Variants in CLASP1 observed in about 807,000 individuals in gnomAD.
CLASP1 encodes CLIP-associating protein 1.
CLASP1 carries 38 observed loss-of-function variants against 192.3 expected under a neutral mutation model. The observed-to-expected ratio is 0.20, with a 90% CI of 0.15 to 0.26. The LOEUF is 0.26. CLASP1 is among the 10% of genes least tolerant of loss of function. The pLI is 1.00. For synonymous variants in CLASP1, 691 were observed against 712.8 expected (o/e 0.97, Z 0.49); for missense variants, 1,433 against 1,932.5 (o/e 0.74, Z 4.85).
At chr2:121,409,878 C>A (rs2077450563) in intron 24 of CLASP1, among the ~76,000 whole-genome samples, 1 of 152,164 alleles carries the variant, frequency 6.6e-6, no homozygotes, top group Non-Finnish European at 1.5e-5. Flanking sequence ...GGTGGCCAGG[C>A]AGCTTGCCTA....
intron 2 of CLASP1, among the ~76,000 whole-genome samples, chr2:121,574,064 T>C (rs1436694132): frequency 6.6e-6 from 1 of 152,194 alleles, no homozygotes; most frequent in Non-Finnish European, 1.5e-5. Context: ...CTATTAATAA[T>C]GTACTGTATT....
chr2:121,573,536 T>C (rs1359014889), intron 2 of CLASP1, among the ~76,000 whole-genome samples: 2 of 152,238 alleles, frequency 1.3e-5, no homozygotes, highest in Non-Finnish European at 2.9e-5. Context: ...AATTCTCTCA[T>C]ATTAATTGAT....
At chr2:121,585,071 C>G (rs1332809343) in intron 2 of CLASP1, among the ~76,000 whole-genome samples, 1 of 152,172 alleles carries the variant, frequency 6.6e-6, no homozygotes, top group Non-Finnish European at 1.5e-5. Flanking sequence ...AACACTGTCC[C>G]CATTTTGCAG....
At chr2:121,539,196 C>T (rs1357666294) in intron 2 of CLASP1, among the ~76,000 whole-genome samples, 3 of 152,104 alleles carry the variant, frequency 2.0e-5, no homozygotes, top group South Asian at 2.1e-4. Context: ...TGTGATAATA[C>T]GAATGGCAAG....
At chr2:121,394,861 C>CA (rs2075014043) in intron 30 of CLASP1, among the ~76,000 whole-genome samples, 1 of 152,210 alleles carries the variant, frequency 6.6e-6, no homozygotes, top group South Asian at 2.1e-4. Flanking sequence ...GCCTGGGTGA[C>CA]AGAGCGAGAC....
intron 2 of CLASP1, among the ~76,000 whole-genome samples, chr2:121,590,780 A>T (rs571670277): frequency 2.6e-4 from 39 of 152,328 alleles, no homozygotes; most frequent in Non-Finnish European, 5.1e-4. Context: ...CAAAGAACAT[A>T]AGCTTAGGAT....
At chr2:121,398,283 A>T in intron 29 of CLASP1, 39 bp downstream of exon 30, 1 of 1,430,014 alleles carries the variant, frequency 7.0e-7, no homozygotes, top group Non-Finnish European at 9.7e-7. Context: ...AACAAATGTG[A>T]GTTCCAGGGT....
At chr2:121,506,775 T>G (rs1024686319) in intron 7 of CLASP1, among the ~76,000 whole-genome samples, 1 of 152,150 alleles carries the variant, frequency 6.6e-6, no homozygotes, top group Non-Finnish European at 1.5e-5. Flanking sequence ...GCTGGGAGAC[T>G]TACTGGTTCA....
At chr2:121,626,539 G>A (rs2068400996) in intron 1 of CLASP1, among the ~76,000 whole-genome samples, 1 of 151,992 alleles carries the variant, frequency 6.6e-6, no homozygotes, top group South Asian at 2.1e-4. Context: ...GTGACTTCTG[G>A]GGTCACATAG....
At chr2:121,373,533 G>A (rs2069234473) in intron 34 of CLASP1, among the ~76,000 whole-genome samples, 1 of 152,216 alleles carries the variant, frequency 6.6e-6, no homozygotes, top group African/African-American at 2.4e-5. Context: ...GGGATCAGAA[G>A]ACAGGAAAAT....
chr2:121,644,348 TAA>T (rs747184836), intron 1 of CLASP1, among the ~76,000 whole-genome samples: 12 of 134,296 alleles, frequency 8.9e-5, no homozygotes, highest in Admixed American at 7.5e-5. Flanking sequence ...TAAAGGACAT[TAA>T]AAAAAAAAAA....
intron 1 of CLASP1, among the ~76,000 whole-genome samples, chr2:121,609,098 G>A (rs1018305543): frequency 1.3e-5 from 2 of 152,136 alleles, no homozygotes; most frequent in African/African-American, 4.8e-5. Context: ...ATTATTAGAA[G>A]TCTTAGCCTA....
chr2:121,524,922 C>T (rs984663005), intron 6 of CLASP1, among the ~76,000 whole-genome samples: 8 of 151,844 alleles, frequency 5.3e-5, no homozygotes, highest in South Asian at 2.1e-4. Flanking sequence ...ACTAAGAGCA[C>T]GATAAGGAAA....
At chr2:121,582,561 C>A (rs2061317949) in intron 2 of CLASP1, among the ~76,000 whole-genome samples, 1 of 142,526 alleles carries the variant, frequency 7.0e-6, no homozygotes, top group African/African-American at 2.6e-5. Flanking sequence ...GAGGGAAAGA[C>A]AGAAAGGAAC....
At chr2:121,410,071 A>G (rs1434229399) in intron 24 of CLASP1, among the ~76,000 whole-genome samples, 1 of 152,232 alleles carries the variant, frequency 6.6e-6, no homozygotes, top group Non-Finnish European at 1.5e-5. Flanking sequence ...TGAAAGCAGG[A>G]TATTACATAC....
intron 34 of CLASP1, among the ~76,000 whole-genome samples, chr2:121,369,096 ATT>A (rs1041065281): frequency 5.9e-5 from 9 of 152,300 alleles, no homozygotes; most frequent in African/African-American, 2.2e-4. Context: ...TATATACCAC[ATT>A]TTGTTTATCT....
At chr2:121,397,343 T>A in intron 29 of CLASP1, 60 bp from the exon 31 acceptor site, 1 of 1,482,296 alleles carries the variant, frequency 6.7e-7, no homozygotes, top group Non-Finnish European at 9.3e-7. Flanking sequence ...AACACAATTC[T>A]TATCAGGTGG....
At chr2:121,472,653 A>C (rs2090957767) in intron 8 of CLASP1, among the ~76,000 whole-genome samples, 1 of 152,274 alleles carries the variant, frequency 6.6e-6, no homozygotes, top group Non-Finnish European at 1.5e-5. Flanking sequence ...ACACAGAAAG[A>C]GGGCTACAGG....
At chr2:121,376,119 G>A (rs760654959) in intron 34 of CLASP1, among the ~76,000 whole-genome samples, 7 of 152,094 alleles carry the variant, frequency 4.6e-5, no homozygotes, top group Admixed American at 1.3e-4. Flanking sequence ...AAACAGTATC[G>A]TGGTTTCTCA....
Sources: gnomAD v4.1 joint callset for allele counts (sites outside exome capture counted in the v4.1 genomes callset) on GRCh38, gnomAD v4.1.1 for gene constraint, MANE v1.5 for transcripts, NCBI Gene and HGNC (gene_info 2026-07-23, HGNC 2026-07-21) for gene names.